RNF220: variants seen among roughly 807,000 people sequenced by gnomAD.
RNF220 encodes the protein ring finger protein 220, also known as E3 ubiquitin-protein ligase RNF220.
RNF220 carries 7 observed loss-of-function variants against 67.1 expected under a neutral mutation model. The observed-to-expected ratio is 0.10, with a 90% confidence interval of 0.06 to 0.20. The LOEUF is 0.20. RNF220 is among the 10% of genes least tolerant of loss of function. The pLI is 1.00. For synonymous variants in RNF220, 270 were observed against 283.2 expected (o/e 0.95, Z 0.47); for missense variants, 565 against 740.3 (o/e 0.76, Z 2.75).
chr1:44,437,691 C>T (rs1651119218), intron 2 of RNF220, among the ~76,000 whole-genome samples: 2 of 152,180 alleles, frequency 1.3e-5, no homozygotes, highest in African/African-American at 2.4e-5. Context: ...TAAGAAAAAG[C>T]ACCTCTTAGA....
At chr1:44,459,962 T>C (rs965073982) in intron 2 of RNF220, among the ~76,000 whole-genome samples, 6 of 152,152 alleles carry the variant, frequency 3.9e-5, no homozygotes, top group Non-Finnish European at 7.3e-5. Context: ...AAGTGGACCC[T>C]GAGACGAGGA....
chr1:44,417,864 G>T lies in RNF220; in HGVS notation c.625+5142G>T, dbSNP rs1648733579. ...CCAGCCTCCGCCACCGAGGCGGCTT[G>T]CAAGTGGTTTCAGAAATGTTGGTGA... is the stretch of plus-strand genomic sequence containing the variant. On this transcript the variant is annotated intron_variant, in intron 2 of 14. Coordinates refer to ENST00000361799, the MANE Select transcript of RNF220 (RefSeq NM_018150.4). This position sits in a 1 kb window ranked among gnomAD's most constrained non-coding sequence, Gnocchi z 4.0. Among the ~76,000 whole-genome samples, 1 of 152,152 alleles carries T rather than the reference G, an allele frequency of 6.6e-6. No individual in the cohort carries two copies. Among genetic ancestry groups the T allele is most frequent in the East Asian group, 1.9e-4 (1 of 5,170 alleles).
At chr1:44,435,540 A>G (rs572908156) in intron 2 of RNF220, among the ~76,000 whole-genome samples, 1 of 152,210 alleles carries the variant, frequency 6.6e-6, no homozygotes, top group Non-Finnish European at 1.5e-5. Context: ...GTTCCTTGGG[A>G]TAAAGAGGAA....
chr1:44,650,732 A>G lies in RNF220; in HGVS notation c.1658A>G (p.Asn553Ser), dbSNP rs1020903369. ...GCCAAGAAGCTCTGCCCTCAGTGCA[A>G]CACGATCACAGCGCCCGGAGACCTG... ...LGAKKLCPQCNTITAPGDLRR... is the reference protein window; with the variant it reads ...LGAKKLCPQCSTITAPGDLRR... Residue 553 changes from asparagine to serine, a missense_variant, in exon 15 of 15, where the codon AAC (asparagine) becomes AGC (serine). Transcript: ENST00000361799. This position sits in a 1 kb window ranked among gnomAD's most constrained non-coding sequence, Gnocchi z 4.3. 1 of 1,613,222 alleles carries G rather than the reference A, an allele frequency of 6.2e-7. No individual in the cohort carries two copies. The highest frequency in any genetic ancestry group is 8.5e-7 in the Non-Finnish European group (1 of 1,179,764).
chr1:44,601,489 G>A (rs1422504995), intron 2 of RNF220, among the ~76,000 whole-genome samples: 2 of 152,158 alleles, frequency 1.3e-5, no homozygotes, highest in African/African-American at 4.8e-5. Flanking sequence ...TAGAGAGGGA[G>A]AACTTGACAG....
intron 5 of RNF220, chr1:44,626,654 A>T: frequency 2.0e-6 from 1 of 505,358 alleles, no homozygotes; most frequent in Non-Finnish European, 3.6e-6. Context: ...CCTCTGAATC[A>T]TTCTATCCAT....
Position 44,650,823 on chromosome 1 carries a change from C to T in RNF220, c.*48C>T. The T allele has an allele frequency of 6.4e-7, 1 of 1,558,282 alleles. No individual in the cohort carries two copies. Among genetic ancestry groups the T allele is most frequent in the Non-Finnish European group, 8.8e-7 (1 of 1,133,298 alleles). On this transcript the variant is annotated 3_prime_UTR_variant, in exon 15 of 15. Transcript: ENST00000361799. This position sits in a 1 kb window ranked among gnomAD's most constrained non-coding sequence, Gnocchi z 4.3. ...CGCCTCCAGCAGCCCCACCTGCCCC[C>T]AGCCTCTGTGACAGTGACCGTCTCC...
chr1:44,456,881 C>T (rs1653239102), intron 2 of RNF220, among the ~76,000 whole-genome samples: 1 of 152,138 alleles, frequency 6.6e-6, no homozygotes, highest in Admixed American at 6.5e-5. Context: ...AATCCCATCA[C>T]ACTGGACTTC....
intron 2 of RNF220, among the ~76,000 whole-genome samples, chr1:44,531,387 ATTAT>A (rs1176306489): frequency 6.6e-6 from 1 of 152,054 alleles, no homozygotes; most frequent in African/African-American, 2.4e-5. Context: ...ATCTAGGAAG[ATTAT>A]TTATTCAAAA....
At chr1:44,614,650 C>T (rs1413213699) in intron 3 of RNF220, among the ~76,000 whole-genome samples, 2 of 152,224 alleles carry the variant, frequency 1.3e-5, no homozygotes, top group Non-Finnish European at 2.9e-5. Context: ...GCAGGCCCCT[C>T]AGAAGTGCAG....
chr1:44,527,923 CCCAAAAAAAAAAA>C (rs1461070138), intron 2 of RNF220, among the ~76,000 whole-genome samples: 4 of 7,402 alleles, frequency 5.4e-4, no homozygotes, highest in East Asian at 0.024. Flanking sequence ...AAGACTCCAT[CCCAAAAAAAAAAA>C]AAAAAAAAAA....
At chr1:44,443,552 C>T (rs992963140) in intron 2 of RNF220, among the ~76,000 whole-genome samples, 3 of 152,224 alleles carry the variant, frequency 2.0e-5, no homozygotes, top group South Asian at 2.1e-4. Flanking sequence ...ATTCCTATCA[C>T]AAAAAAAGCC....
At chr1:44,546,309 G>A (rs1662141111) in intron 2 of RNF220, among the ~76,000 whole-genome samples, 1 of 152,082 alleles carries the variant, frequency 6.6e-6, no homozygotes. Flanking sequence ...GGCCCCCCAG[G>A]CCCAGCCTAA....
intron 2 of RNF220, among the ~76,000 whole-genome samples, chr1:44,543,634 GTGCA>G (rs1661864124): frequency 6.6e-6 from 1 of 152,070 alleles, no homozygotes; most frequent in Non-Finnish European, 1.5e-5. Context: ...GAAGCCGTGT[GTGCA>G]TGTACAAGAG....
At chr1:44,465,687 T>C (rs564692954) in intron 2 of RNF220, among the ~76,000 whole-genome samples, 38 of 152,260 alleles carry the variant, frequency 2.5e-4, no homozygotes, top group African/African-American at 9.1e-4. Flanking sequence ...AAGGCAAATA[T>C]CACATCAAAG....
intron 2 of RNF220, among the ~76,000 whole-genome samples, chr1:44,592,795 G>C (rs1666211728): frequency 6.6e-6 from 1 of 152,102 alleles, no homozygotes; most frequent in Non-Finnish European, 1.5e-5. Flanking sequence ...GTGCTTTCAA[G>C]ACCAGGTCTC....
intron 2 of RNF220, among the ~76,000 whole-genome samples, chr1:44,435,272 G>C (rs1650848336): frequency 6.6e-6 from 1 of 152,194 alleles, no homozygotes; most frequent in Admixed American, 6.5e-5. Flanking sequence ...ATACTTCTTA[G>C]CTATGTTGCT....
chr1:44,644,456 A>C, intron 8 of RNF220: 1 of 484,608 alleles, frequency 2.1e-6, no homozygotes, highest in East Asian at 3.6e-5. Context: ...TGAATGGGCT[A>C]GTTTATGAGC....
chr1:44,464,807 A>G (rs569399983), intron 2 of RNF220, among the ~76,000 whole-genome samples: 6 of 152,236 alleles, frequency 3.9e-5, no homozygotes, highest in African/African-American at 1.4e-4. Flanking sequence ...GCTTGCCTAG[A>G]TTGCCGCTAT....
Sources: gnomAD v4.1 joint callset for allele counts (sites outside exome capture counted in the v4.1 genomes callset) on GRCh38, gnomAD v4.1.1 for gene constraint, Gnocchi (gnomAD v3.1) non-coding constraint, MANE v1.5 for transcripts, NCBI Gene and HGNC (gene_info 2026-07-23, HGNC 2026-07-21) for gene names.